FANCL: variants seen among roughly 807,000 people sequenced by gnomAD.
FANCL encodes FA complementation group L.
FANCL carries 69 observed loss-of-function variants against 59.4 expected under a neutral mutation model. The ratio of observed to expected loss-of-function variants is 1.16; its 90% confidence interval spans 0.96 to 1.42. The LOEUF (loss-of-function observed/expected upper bound fraction) is 1.42. Among genes scored for constraint, FANCL ranks in the 40% most tolerant of loss-of-function variants. The pLI, the probability that FANCL is intolerant of heterozygous loss-of-function variation, is 0.00. For missense variants in FANCL, 519 were observed against 447.2 expected, an observed-to-expected ratio of 1.16 and a Z score of -1.45; for synonymous variants, 180 against 147.1, an observed-to-expected ratio of 1.22 and a Z score of -1.62.
At chr2:58,176,578 T>C (rs147194163) in intron 7 of FANCL, among the ~76,000 whole-genome samples, 2,997 of 152,290 alleles carry the variant, frequency 0.02, 112 homozygotes, top group African/African-American at 0.069. Context: ...GCTAGCTATA[T>C]GTAGGAAGCT....
chr2:58,168,732 A>G (rs1339040474), intron 7 of FANCL, among the ~76,000 whole-genome samples: 1 of 152,130 alleles, frequency 6.6e-6, no homozygotes, highest in Non-Finnish European at 1.5e-5. Context: ...AGCAGTCTGA[A>G]GTAGACCTGG....
At chr2:58,200,494 C>T (rs1356855654) in intron 6 of FANCL, among the ~76,000 whole-genome samples, 5 of 152,004 alleles carry the variant, frequency 3.3e-5, no homozygotes, top group Admixed American at 3.3e-4. Flanking sequence ...TTTTGAGTTG[C>T]TATTTATCTT....
At chr2:58,241,380 T>G (rs1437732190), upstream of FANCL, 21 of 1,500,982 alleles carry the variant, frequency 1.4e-5, no homozygotes, top group Admixed American at 1.1e-4. Flanking sequence ...CGCAGTCCGC[T>G]GGCGCTCGGA....
chr2:58,185,789 G>T (rs1573621810), intron 7 of FANCL, among the ~76,000 whole-genome samples: 1 of 152,110 alleles, frequency 6.6e-6, no homozygotes, highest in Non-Finnish European at 1.5e-5. Context: ...TAAGGAATCA[G>T]GAGATAAACA....
At chr2:58,234,205 C>T (rs1410369399) in intron 1 of FANCL, among the ~76,000 whole-genome samples, 1 of 151,790 alleles carries the variant, frequency 6.6e-6, no homozygotes, top group African/African-American at 2.4e-5. Flanking sequence ...AACCCAGAAA[C>T]CATAAACAAA....
chr2:58,210,450 C>T (rs1191439638), intron 5 of FANCL, among the ~76,000 whole-genome samples: 1 of 152,120 alleles, frequency 6.6e-6, no homozygotes, highest in Non-Finnish European at 1.5e-5. Context: ...TGTGGGAGTA[C>T]AATTCAAGAT....
At chr2:58,177,776 A>T (rs1687498116) in intron 7 of FANCL, among the ~76,000 whole-genome samples, 1 of 151,246 alleles carries the variant, frequency 6.6e-6, no homozygotes, top group Non-Finnish European at 1.5e-5. Context: ...AAACTTAATA[A>T]TAAAATAAAA....
rs1692482145 is a variant in FANCL, at chr2:58,221,552, A to G, written c.374+390T>C. ...TAATGTTATATATATGTAAATTTAGACATGCCAAATTGTATATTAACCAAA... is the reference window on the plus strand; with the variant it reads ...TAATGTTATATATATGTAAATTTAGGCATGCCAAATTGTATATTAACCAAA... On this transcript the variant is annotated intron_variant, in intron 5 of 13. Coordinates refer to ENST00000233741, the MANE Select transcript of FANCL (RefSeq NM_018062.4). Among the ~76,000 whole-genome samples the G allele has an allele frequency of 1.3e-5, 2 of 152,208 alleles. 1 individual carries two copies. Among genetic ancestry groups the G allele is most frequent in the South Asian group, 4.1e-4 (2 of 4,830 alleles).
At chr2:58,193,985 C>T (rs1457365802) in intron 7 of FANCL, among the ~76,000 whole-genome samples, 1 of 151,566 alleles carries the variant, frequency 6.6e-6, no homozygotes, top group African/African-American at 2.4e-5. Context: ...ATGGATAATG[C>T]TCCCTGCTAT....
At chr2:58,177,239 T>C (rs1687426793) in intron 7 of FANCL, among the ~76,000 whole-genome samples, 2 of 152,320 alleles carry the variant, frequency 1.3e-5, no homozygotes, top group South Asian at 4.1e-4. Context: ...CTCAGGGATC[T>C]AGGACTAGAA....
At chr2:58,240,405 T>G (rs1694414438) in intron 1 of FANCL, among the ~76,000 whole-genome samples, 1 of 152,154 alleles carries the variant, frequency 6.6e-6, no homozygotes, top group African/African-American at 2.4e-5. Context: ...GGTATCCTGG[T>G]GCAATGTAAA....
chr2:58,186,496 G>A (rs1382947825), intron 7 of FANCL, among the ~76,000 whole-genome samples: 1 of 152,146 alleles, frequency 6.6e-6, no homozygotes, highest in Non-Finnish European at 1.5e-5. Context: ...AGTAGGGAAT[G>A]CCAAAATAAG....
In FANCL at chr2:58,176,717, T is replaced by C. The variant is rs372048411; in HGVS notation, c.541-10843A>G. Among the ~76,000 whole-genome samples, 199 of 152,228 alleles carry C rather than the reference T, an allele frequency of 1.3e-3. 4 individuals are homozygous for C. The East Asian group carries it at 0.02, about 15-fold the overall frequency. ...GGTATTACCATTCAGGACATAGGCA[T>C]GGGCAAGGACTTCATGTCTAAAACA... On this transcript the variant is annotated intron_variant, in intron 7 of 13. Coordinates refer to ENST00000233741, the MANE Select transcript of FANCL (RefSeq NM_018062.4).
At chr2:58,200,225 T>C (rs1451333137) in intron 6 of FANCL, among the ~76,000 whole-genome samples, 7 of 152,048 alleles carry the variant, frequency 4.6e-5, no homozygotes. Flanking sequence ...GAAAAACAAT[T>C]TGTATGCCAT....
chr2:58,230,021 A>T, intron 2 of FANCL, 147 bp from the exon 3 acceptor site: 1 of 639,582 alleles, frequency 1.6e-6, no homozygotes, highest in Non-Finnish European at 2.8e-6. Context: ...GATACTGTTC[A>T]AAGTCTTGTC....
In FANCL at chr2:58,226,771, G is replaced by T; in HGVS notation, c.230C>A (p.Ser77Tyr). ...CATCATAAAGCTCATTAGATCAGGA[G>T]AGTGCTGCATTCTCTAGATCAAAAT... ...HRIVQQRMQH[S>Y]PDLMSFMMEL... Residue 77 changes from serine (S) to tyrosine (Y), a missense_variant, in exon 4 of 14, where the codon TCT (serine) becomes TAT (tyrosine). Coordinates refer to ENST00000233741, the MANE Select transcript of FANCL (RefSeq NM_018062.4). 1 of 1,612,986 alleles carries T rather than the reference G, an allele frequency of 6.2e-7. No homozygotes were observed. The highest frequency in any genetic ancestry group is 1.1e-5 in the South Asian group (1 of 91,012).
Position 58,163,051 on chromosome 2 carries a change from G to C in FANCL, c.799C>G (p.Leu267Val). 1 of 1,612,108 alleles carries C rather than the reference G, an allele frequency of 6.2e-7. No individual in the cohort carries two copies. Among genetic ancestry groups the C allele is most frequent in the Non-Finnish European group, 8.5e-7 (1 of 1,178,954 alleles). The change falls in exon 10 of 14, where the codon CTG becomes GTG. Residue 267 changes from leucine (L) to valine (V), a missense_variant. Physicochemically the swap from Leu to Val is conservative, Grantham distance 32. Transcript: ENST00000233741. ...TACCACAAATGTATGTTCCTGCTCA[G>C]CTTAATTCCCAGGGGTTTTACCACT... is the stretch of plus-strand genomic sequence containing the variant. Reference protein sequence around the residue: ...DHVVKPLGIKLSRNIHLWDPE... With the variant: ...DHVVKPLGIKVSRNIHLWDPE...
chr2:58,219,159 AAAAAAAAAAAAAATATATATAT>A (rs1692172687), intron 5 of FANCL, among the ~76,000 whole-genome samples: 2 of 93,652 alleles, frequency 2.1e-5, no homozygotes, highest in African/African-American at 1.2e-4. Flanking sequence ...AAAAAAAAAA[AAAAAAAAAAAAAATATATATAT>A]ATATATATAT....
intron 7 of FANCL, among the ~76,000 whole-genome samples, chr2:58,167,366 C>A (rs1686059340): frequency 6.6e-6 from 1 of 152,170 alleles, no homozygotes; most frequent in Admixed American, 6.5e-5. Context: ...ATTAAACTCC[C>A]AAGAAGCTAG....
Sources: gnomAD v4.1 joint callset for allele counts (sites outside exome capture counted in the v4.1 genomes callset) on GRCh38, gnomAD v4.1.1 for gene constraint, MANE v1.5 for transcripts, NCBI Gene and HGNC (gene_info 2026-07-23, HGNC 2026-07-21) for gene names.